RNF150: variants seen among roughly 807,000 people sequenced by gnomAD.
RNF150 encodes ring finger protein 150.
A neutral mutation model predicts 39.3 loss-of-function variants in RNF150; 24 were observed. That is an observed-to-expected ratio of 0.61 (90% CI 0.44 to 0.86). The LOEUF (loss-of-function observed/expected upper bound fraction) is 0.86. RNF150 is among the 40% of genes least tolerant of loss of function. RNF150 has a pLI of 0.00. For missense variants in RNF150, 502 were observed against 587.8 expected (o/e 0.85, Z 1.51); for synonymous variants, 255 against 227.3 (o/e 1.12, Z -1.10).
At chr4:141,097,719 AC>A (rs1305091974) in intron 1 of RNF150, among the ~76,000 whole-genome samples, 1 of 152,040 alleles carries the variant, frequency 6.6e-6, no homozygotes. Context: ...CATTTTTTGA[AC>A]CATTTATATT....
chr4:140,873,042 C>G (rs1350899438), intron 6 of RNF150, among the ~76,000 whole-genome samples: 2 of 152,130 alleles, frequency 1.3e-5, no homozygotes, highest in African/African-American at 2.4e-5. Context: ...ACCCAAACAC[C>G]TAGAGCAAAA....
At chr4:140,984,688 G>T (rs370903166) in intron 1 of RNF150, among the ~76,000 whole-genome samples, 2 of 152,222 alleles carry the variant, frequency 1.3e-5, no homozygotes, top group East Asian at 3.9e-4. Context: ...TTGCTTAAGT[G>T]ACTTTCTGGA....
intron 1 of RNF150, among the ~76,000 whole-genome samples, chr4:141,107,350 A>C (rs1223605297): frequency 1.3e-5 from 2 of 152,184 alleles, no homozygotes; most frequent in African/African-American, 4.8e-5. Context: ...AATCCTATTA[A>C]AAATATTGGT....
chr4:141,190,952 A>G (rs1366959877), intron 1 of RNF150, among the ~76,000 whole-genome samples: 1 of 152,208 alleles, frequency 6.6e-6, no homozygotes, highest in African/African-American at 2.4e-5. Context: ...TTCTCATTTC[A>G]TGTAAGTATT....
intron 4 of RNF150, among the ~76,000 whole-genome samples, chr4:140,926,576 T>C (rs1731406569): frequency 1.3e-5 from 2 of 152,174 alleles, no homozygotes; most frequent in African/African-American, 4.8e-5. Context: ...CCATTTTAAG[T>C]TGTGGCTTCT....
At chr4:141,193,022 C>T (rs1728136166) in intron 1 of RNF150, among the ~76,000 whole-genome samples, 1 of 152,196 alleles carries the variant, frequency 6.6e-6, no homozygotes, top group African/African-American at 2.4e-5. Context: ...CTCTAAAACT[C>T]CATTTCCTTC....
At chr4:141,158,926 C>T (rs1377655344) in intron 1 of RNF150, among the ~76,000 whole-genome samples, 1 of 152,102 alleles carries the variant, frequency 6.6e-6, no homozygotes, top group East Asian at 1.9e-4. Flanking sequence ...GTTTATGTTA[C>T]CATCTTGAGG....
At chr4:141,159,835 C>T (rs546174718) in intron 1 of RNF150, among the ~76,000 whole-genome samples, 4 of 152,270 alleles carry the variant, frequency 2.6e-5, no homozygotes, top group East Asian at 1.9e-4. Flanking sequence ...TGAGCCACTG[C>T]GCCCAGCCTG....
At chr4:141,150,984 T>A (rs1055420893) in intron 1 of RNF150, among the ~76,000 whole-genome samples, 1 of 152,218 alleles carries the variant, frequency 6.6e-6, no homozygotes, top group East Asian at 1.9e-4. Flanking sequence ...GAGGCTGGAG[T>A]GTCATGGCAC....
At chr4:141,200,698 G>A (rs1728276832) in intron 1 of RNF150, among the ~76,000 whole-genome samples, 1 of 152,072 alleles carries the variant, frequency 6.6e-6, no homozygotes, top group South Asian at 2.1e-4. Flanking sequence ...GTCCATTGCA[G>A]GCTCTTCTGC....
intron 1 of RNF150, among the ~76,000 whole-genome samples, chr4:141,027,983 T>C (rs557290386): frequency 3.8e-5 from 5 of 130,144 alleles, no homozygotes; most frequent in Non-Finnish European, 6.3e-5. Flanking sequence ...GTATATCTAG[T>C]GCAGAGAAAA....
intron 1 of RNF150, among the ~76,000 whole-genome samples, chr4:141,122,337 G>A (rs925236820): frequency 6.6e-6 from 1 of 152,194 alleles, no homozygotes; most frequent in African/African-American, 2.4e-5. Context: ...TGCCTCAGCT[G>A]CCAAAATAGT....
chr4:140,982,939 T>C (rs183986829), intron 1 of RNF150, among the ~76,000 whole-genome samples: 44 of 152,322 alleles, frequency 2.9e-4, no homozygotes, highest in Admixed American at 2.8e-3. Flanking sequence ...TATAGACTTG[T>C]TCTGGCATCG....
At chr4:141,073,091 G>A (rs1737766395) in intron 1 of RNF150, among the ~76,000 whole-genome samples, 1 of 152,004 alleles carries the variant, frequency 6.6e-6, no homozygotes, top group African/African-American at 2.4e-5. Flanking sequence ...CAGCCATCAT[G>A]TTAATCCCAG....
At chr4:141,139,820 T>A (rs1727088417) in intron 1 of RNF150, among the ~76,000 whole-genome samples, 1 of 152,000 alleles carries the variant, frequency 6.6e-6, no homozygotes, top group African/African-American at 2.4e-5. Context: ...AGAGTGGGGG[T>A]TGTAATCCTG....
chr4:140,986,227 C>A (rs1479863816), intron 1 of RNF150, among the ~76,000 whole-genome samples: 1 of 152,042 alleles, frequency 6.6e-6, no homozygotes. Context: ...GCGCTGCCCA[C>A]GTCTGCTTTC....
chr4:141,030,596 C>T (rs1289301519), intron 1 of RNF150, among the ~76,000 whole-genome samples: 1 of 152,062 alleles, frequency 6.6e-6, no homozygotes, highest in African/African-American at 2.4e-5. Context: ...GTGGTTTACA[C>T]ATATAAAGGA....
chr4:141,138,884 A>C (rs1035150623), intron 1 of RNF150, among the ~76,000 whole-genome samples: 4 of 152,220 alleles, frequency 2.6e-5, no homozygotes, highest in African/African-American at 9.7e-5. Flanking sequence ...ACAGAGTCTA[A>C]AAATTTTAAT....
At chr4:141,056,955 G>GATA (rs1737000356) in intron 1 of RNF150, among the ~76,000 whole-genome samples, 1 of 152,060 alleles carries the variant, frequency 6.6e-6, no homozygotes, top group African/African-American at 2.4e-5. Context: ...TGATAATAGT[G>GATA]TAGTTACTTA....
Sources: allele counts gnomAD v4.1 joint callset (sites outside exome capture counted in the v4.1 genomes callset), GRCh38; gene constraint gnomAD v4.1.1; transcripts MANE v1.5; gene names NCBI Gene and HGNC (gene_info 2026-07-23, HGNC 2026-07-21).